Variants in NDUFB6 observed in about 807,000 individuals in gnomAD.
NDUFB6 encodes NADH dehydrogenase [ubiquinone] 1 beta subcomplex subunit 6.
In NDUFB6, 23 loss-of-function variants were observed where a neutral mutation model predicts 17.5. The ratio of observed to expected loss-of-function variants is 1.31; its 90% CI spans 0.94 to 1.86. The LOEUF (loss-of-function observed/expected upper bound fraction) is 1.86. Ranked by LOEUF, NDUFB6 falls within the 40% of genes most tolerant of loss-of-function variation. The probability of loss-of-function intolerance (pLI) is 0.00; values close to 1 mark genes in which losing one functional copy is unlikely to be tolerated. For missense variants in NDUFB6, 167 were observed against 153.8 expected (o/e 1.09, Z -0.46); for synonymous variants, 60 against 53.5 (o/e 1.12, Z -0.53).
chr9:32,567,286 T>TAACA, intron 2 of NDUFB6: 1 of 471,604 alleles, frequency 2.1e-6, no homozygotes, highest in Non-Finnish European at 4.4e-6. Flanking sequence ...GCCATTTTGC[T>TAACA]AACAGCATGT....
rs749281041 is a variant in NDUFB6 at position 32,572,968 on chromosome 9, C to T, written c.93G>A (p.Arg31=). ...RWLKDQELSP[R]EPVLPPQKMG... ...TCTTCTGTGGGGGCAGCACCGGCTC[C>T]CGAGGGCTCAGCTCCTGGTCCTTCA... Residue 31 remains arginine (R), a synonymous_variant, in exon 1 of 4, where the codon CGG becomes CGA. Transcript: ENST00000379847. 3.1e-6 allele frequency: 5 copies of T among 1,611,968 alleles called. No individual in the cohort carries two copies. Among genetic ancestry groups the T allele is most frequent in the Non-Finnish European group, 4.2e-6 (5 of 1,178,950 alleles).
chr9:32,566,461 C>G lies in NDUFB6; in HGVS notation c.273+4499G>C. 4.9e-6 allele frequency: 4 copies of G among 809,174 alleles called. No homozygotes were observed. The South Asian group carries it at 5.3e-5, about 11-fold the overall frequency. The allele number at this position is 809,174 out of a possible 1,614,324, so 50.1% of individuals were successfully genotyped here. ...GTTGATGGAGTATCTTGACAAGCAG[C>G]CGTCCATGTCGAAGGGACCCTGGCA... On this transcript the variant is annotated intron_variant, in intron 2 of 3. Coordinates refer to ENST00000379847, the MANE Select transcript of NDUFB6 (RefSeq NM_002493.5).
At chr9:32,557,974 G>GACAAGAAC (rs1290781719) in intron 3 of NDUFB6, among the ~76,000 whole-genome samples, 1 of 152,150 alleles carries the variant, frequency 6.6e-6, no homozygotes, top group East Asian at 1.9e-4. Context: ...ACTAGAAATA[G>GACAAGAAC]ACAAGAACAT....
In NDUFB6 at chr9:32,553,590, T is replaced by C. The variant is rs558360336; in HGVS notation, c.*286A>G. Reference sequence around the variant, plus strand: ...TACCCTGATACCAAATTAGTGTAAGTACTGTGTAAGAAAAAAACAAACAAA... The same window carrying C: ...TACCCTGATACCAAATTAGTGTAAGCACTGTGTAAGAAAAAAACAAACAAA... On this transcript the variant is annotated 3_prime_UTR_variant, in exon 4 of 4. Coordinates refer to ENST00000379847, the MANE Select transcript of NDUFB6 (RefSeq NM_002493.5). 4.2e-4 allele frequency: 151 copies of C among 360,764 alleles called. No homozygotes were observed. The highest frequency in any genetic ancestry group is 6.1e-4 in the Non-Finnish European group (118 of 194,730). The allele number at this position is 360,764 out of a possible 1,614,324, so 22.3% of individuals were successfully genotyped here.
In NDUFB6 at chr9:32,553,585, G is replaced by C. The variant is rs1460720810; in HGVS notation, c.*291C>G. On this transcript the variant is annotated 3_prime_UTR_variant, in exon 4 of 4. Transcript: ENST00000379847. The stretch of plus-strand genomic sequence containing the variant: ...TTGCATACCCTGATACCAAATTAGT[G>C]TAAGTACTGTGTAAGAAAAAAACAA... 3 of 343,450 alleles carry C rather than the reference G, an allele frequency of 8.7e-6. No individual in the cohort carries two copies. Among genetic ancestry groups the C allele is most frequent in the South Asian group, 6.1e-5 (2 of 32,728 alleles). 21.3% of individuals were successfully genotyped at this position (343,450 alleles called of 1,614,324 possible).
chr9:32,567,075 T>A (rs1563996952), intron 2 of NDUFB6: 1 of 490,066 alleles, frequency 2.0e-6, no homozygotes, highest in Non-Finnish European at 4.2e-6. Context: ...ATGCCAAACT[T>A]CCTCGGGCTG....
At position 32,567,606 on chromosome 9, in the gene NDUFB6, T is replaced by C. The variant is rs60733667; in HGVS notation, c.273+3354A>G. 3,224 of 371,102 alleles carry C rather than the reference T, an allele frequency of 8.7e-3. 100 individuals carry two copies. The highest frequency in any genetic ancestry group is 0.063 in the African/African-American group (2,957 of 46,878). The allele number at this position is 371,102 out of a possible 1,614,324, so 23.0% of individuals were successfully genotyped here. Reference sequence around the variant, plus strand: ...TCCCAAAGTGCTGGGATTACAGGTGTGAGCCACCATGCCTGGCCTCAAACT... The same window carrying C: ...TCCCAAAGTGCTGGGATTACAGGTGCGAGCCACCATGCCTGGCCTCAAACT... On this transcript the variant is annotated intron_variant, in intron 2 of 3. Coordinates refer to ENST00000379847, the MANE Select transcript of NDUFB6 (RefSeq NM_002493.5).
chr9:32,565,783 C>T (rs941818045), intron 2 of NDUFB6, among the ~76,000 whole-genome samples: 1 of 152,088 alleles, frequency 6.6e-6, no homozygotes, highest in African/African-American at 2.4e-5. Context: ...ACCAGGCCGA[C>T]CAACATGGCG....
intron 2 of NDUFB6, chr9:32,566,213 G>T: frequency 1.2e-6 from 1 of 824,184 alleles, no homozygotes; most frequent in Non-Finnish European, 2.1e-6. Context: ...ATTCTGTTCA[G>T]GTCATAGCTG....
At chr9:32,566,885 G>A (rs553825751) in intron 2 of NDUFB6, 29 of 602,514 alleles carry the variant, frequency 4.8e-5, no homozygotes, top group African/African-American at 1.8e-4. Context: ...TGCGGCTGGC[G>A]AAAAGCACTG....
intron 3 of NDUFB6, among the ~76,000 whole-genome samples, chr9:32,556,097 C>A (rs1369330437): frequency 1.3e-5 from 2 of 151,880 alleles, no homozygotes; most frequent in Non-Finnish European, 2.9e-5. Flanking sequence ...GGCCGGGGTG[C>A]AATGATGGAA....
At chr9:32,561,583 C>T (rs1252905808) in intron 2 of NDUFB6, among the ~76,000 whole-genome samples, 1 of 152,130 alleles carries the variant, frequency 6.6e-6, no homozygotes, top group Non-Finnish European at 1.5e-5. Flanking sequence ...CCCGCCTCAG[C>T]CTCCCAAAGT....
chr9:32,569,895 G>T (rs74496023), intron 2 of NDUFB6, among the ~76,000 whole-genome samples: 13 of 152,268 alleles, frequency 8.5e-5, no homozygotes, highest in Non-Finnish European at 1.9e-4. Context: ...ACAGCACAGT[G>T]TAAACATAAC....
rs911227709 is a variant in NDUFB6 at position 32,566,239 on chromosome 9, T to G, written c.273+4721A>C. On this transcript the variant is annotated intron_variant, in intron 2 of 3. Transcript: ENST00000379847. ...GTCATAGCTGGTTTTGTGGGTGGTTTTCTTATGGCAGACAACACTAATTTT... is the reference window on the plus strand; with the variant it reads ...GTCATAGCTGGTTTTGTGGGTGGTTGTCTTATGGCAGACAACACTAATTTT... The G allele has an allele frequency of 2.0e-5, 20 of 981,548 alleles. 1 individual carries two copies. Among genetic ancestry groups the G allele is most frequent in the Non-Finnish European group, 2.5e-5 (15 of 607,320 alleles). The allele number at this position is 981,548 out of a possible 1,614,324, so 60.8% of individuals were successfully genotyped here.
chr9:32,571,978 A>C (rs1821949633), intron 1 of NDUFB6, among the ~76,000 whole-genome samples: 1 of 152,266 alleles, frequency 6.6e-6, no homozygotes, highest in Non-Finnish European at 1.5e-5. Flanking sequence ...ATATGAACTC[A>C]TATTCAATTC....
At chr9:32,555,577 T>G (rs913253691) in intron 3 of NDUFB6, among the ~76,000 whole-genome samples, 4 of 152,240 alleles carry the variant, frequency 2.6e-5, no homozygotes, top group African/African-American at 9.6e-5. Context: ...CTACCAAATA[T>G]TTTTCTTTTC....
At chr9:32,569,376 G>T (rs925734981) in intron 2 of NDUFB6, among the ~76,000 whole-genome samples, 2 of 151,914 alleles carry the variant, frequency 1.3e-5, no homozygotes, top group African/African-American at 4.8e-5. Context: ...CCGCCACCAT[G>T]CCCAGCTCAT....
intron 2 of NDUFB6, chr9:32,568,693 T>C (rs1821869295): frequency 6.2e-6 from 1 of 160,968 alleles, no homozygotes; most frequent in Admixed American, 6.8e-5. Flanking sequence ...TGTATATACG[T>C]ATGTATATAT....
chr9:32,566,458 C>T lies in NDUFB6; in HGVS notation c.273+4502G>A, dbSNP rs1463448277. 1.8e-5 allele frequency: 15 copies of T among 812,932 alleles called. No individual in the cohort carries two copies. In the South Asian group the frequency reaches 2.0e-4, roughly 11 times the overall value. The allele number at this position is 812,932 out of a possible 1,614,324, so 50.4% of individuals were successfully genotyped here. A position where few individuals can be genotyped will look rare whatever the true frequency, so the allele number is the denominator to read the frequency against. On this transcript the variant is annotated intron_variant, in intron 2 of 3. Transcript: ENST00000379847. ...GGGGTTGATGGAGTATCTTGACAAG[C>T]AGCCGTCCATGTCGAAGGGACCCTG... is the stretch of plus-strand genomic sequence containing the variant.
Sources: gnomAD v4.1 joint callset for allele counts (sites outside exome capture counted in the v4.1 genomes callset) on GRCh38, gnomAD v4.1.1 for gene constraint, MANE v1.5 for transcripts, NCBI Gene and HGNC (gene_info 2026-07-23, HGNC 2026-07-21) for gene names.